DLG4: variants seen among roughly 807,000 people sequenced by gnomAD.
DLG4 encodes discs large MAGUK scaffold protein 4.
In DLG4, 7 loss-of-function variants were observed where a neutral mutation model predicts 93.8. The ratio of observed to expected loss-of-function variants is 0.07; its 90% CI spans 0.04 to 0.14. DLG4 has a LOEUF of 0.14. Ranked by LOEUF, DLG4 falls within the 10% of genes least tolerant of loss-of-function variation. DLG4 has a pLI of 1.00. For synonymous variants in DLG4, 341 were observed against 387.6 expected, an observed-to-expected ratio of 0.88 and a Z score of 1.41; for missense variants, 545 against 992.9, an observed-to-expected ratio of 0.55 and a Z score of 6.06.
rs370630571 is a variant in DLG4 at position 7,195,652 on chromosome 17, G to A, written c.1301+568C>T. On this transcript the variant is annotated intron_variant, in intron 11 of 19. Coordinates refer to ENST00000399506, the MANE Select transcript of DLG4 (RefSeq NM_001321075.3). The surrounding 1 kb of genome is among the most constrained non-coding windows in gnomAD (Gnocchi z 4.3). ...CACCTCCGAGAGACATCTGCAGAGC[G>A]CAGCGGCAGACGAGGCCATGCAAGC... 2.6e-5 allele frequency among the ~76,000 whole-genome samples: 4 copies of A among 152,154 alleles called. No homozygotes were observed. The highest frequency in any genetic ancestry group is 2.1e-4 in the South Asian group (1 of 4,820).
chr17:7,209,771 A>T (rs915120928), intron 1 of DLG4, among the ~76,000 whole-genome samples: 2 of 152,152 alleles, frequency 1.3e-5, no homozygotes, highest in African/African-American at 2.4e-5. Flanking sequence ...CCCTGTCTCA[A>T]AAAGAGAGAG....
In DLG4 at chr17:7,203,467, C is replaced by A; in HGVS notation, c.462G>T (p.Pro154=). Residue 154 remains proline, a synonymous_variant, in exon 6 of 20, where the codon CCG becomes CCT. Coordinates refer to ENST00000399506, the MANE Select transcript of DLG4 (RefSeq NM_001321075.3). The surrounding 1 kb of genome is among the most constrained non-coding windows in gnomAD (Gnocchi z 7.2). ...GCTTGATCTCCATGACCTTCTCAGC[C>A]GGGGGCTTCCGGCGCATGACATAGA... is the stretch of plus-strand genomic sequence containing the variant. ...VRLYVMRRKP[P]AEKVMEIKLI... 1 of 1,612,532 alleles carries A rather than the reference C, an allele frequency of 6.2e-7. No homozygotes were observed. Among genetic ancestry groups the A allele is most frequent in the Non-Finnish European group, 8.5e-7 (1 of 1,178,728 alleles).
At position 7,192,002 on chromosome 17, in the gene DLG4, C is replaced by G. The variant is rs2069524272; in HGVS notation, c.1867G>C (p.Gly623Arg). 7.0e-7 allele frequency: 1 copy of G among 1,430,548 alleles called. No individual in the cohort carries two copies. The highest frequency in any genetic ancestry group is 9.2e-7 in the Non-Finnish European group (1 of 1,085,276). The allele number at this position is 1,430,548 out of a possible 1,614,324, so 88.6% of individuals were successfully genotyped here. A position where few individuals can be genotyped will look rare whatever the true frequency, so the allele number is the denominator to read the frequency against. The change falls in exon 18 of 20, where the codon GGG becomes CGG. Residue 623 changes from glycine (G) to arginine (R), a missense_variant and splice_region_variant. By Grantham distance (125) the Gly-to-Arg change is moderately radical. Coordinates refer to ENST00000399506, the MANE Select transcript of DLG4 (RefSeq NM_001321075.3). ...VQSVREVAEQGKHCILDVSAN... is the reference protein window; with the variant it reads ...VQSVREVAEQRKHCILDVSAN... The stretch of plus-strand genomic sequence containing the variant: ...GAGACATCGAGGATGCAGTGCTTCC[C>G]CTGGGGGCAGGCAGGGTGGGCGGAG...
At chr17:7,210,933 C>A (rs2070680353) in intron 1 of DLG4, among the ~76,000 whole-genome samples, 2 of 151,894 alleles carry the variant, frequency 1.3e-5, no homozygotes, top group South Asian at 2.1e-4. Context: ...CCCTGCCCCA[C>A]CCCCATGGAG....
chr17:7,217,719 C>T, upstream of DLG4: 1 of 1,534,582 alleles, frequency 6.5e-7, no homozygotes. Flanking sequence ...CTGGCAGGAA[C>T]CCGGATAATG....
intron 17 of DLG4, 85 bp from the exon 18 acceptor site, chr17:7,192,087 G>A (rs1365893771): frequency 5.4e-6 from 4 of 741,512 alleles, no homozygotes; most frequent in Non-Finnish European, 8.2e-6. Flanking sequence ...CGGACGGGGA[G>A]AGGTGGGGAA....
chr17:7,213,091 C>CTTT (rs1567551398), intron 1 of DLG4, among the ~76,000 whole-genome samples: 11 of 99,532 alleles, frequency 1.1e-4, no homozygotes, highest in Non-Finnish European at 1.6e-4. Context: ...TTCTTTCTTT[C>CTTT]TTTCTTTTTT....
At position 7,196,779 on chromosome 17, in the gene DLG4, C is replaced by A; in HGVS notation, c.1061G>T (p.Arg354Leu). The A allele has an allele frequency of 6.2e-7, 1 of 1,609,362 alleles. No homozygotes were observed. The highest frequency in any genetic ancestry group is 2.2e-5 in the East Asian group (1 of 44,584). The change falls in exon 9 of 20, where the codon CGG becomes CTG. Residue 354 changes from arginine to leucine, a missense_variant. Around this residue, in one of 5 missense-constraint regions of DLG4, gnomAD observed 428 missense variants for 741.4 expected, o/e 0.58. Transcript: ENST00000399506. The surrounding 1 kb of genome is among the most constrained non-coding windows in gnomAD (Gnocchi z 8.3). ...GGPADLSGEL[R>L]KGDQILSVNG... is the part of the protein sequence containing the mutation. ...CACCGACAGGATCTGGTCCCCCTTC[C>A]GCAGCTCCCCACTGAGGTCTGCAGG...
At chr17:7,214,964 G>C (rs1340606906) in intron 1 of DLG4, among the ~76,000 whole-genome samples, 1 of 152,222 alleles carries the variant, frequency 6.6e-6, no homozygotes, top group African/African-American at 2.4e-5. Context: ...CTCAGGCAGA[G>C]CTGGGGAGCT....
upstream of DLG4, chr17:7,217,678 G>C (rs1255781760): frequency 2.7e-6 from 4 of 1,482,374 alleles, no homozygotes; most frequent in Non-Finnish European, 3.6e-6. Flanking sequence ...AGAATGGGGG[G>C]GGTGCCTTGG....
rs1336744487 is a variant in DLG4 at position 7,195,018 on chromosome 17, CAAAA to C, written c.1302-527_1302-524del. The stretch of plus-strand genomic sequence containing the variant: ...TGGGCAACGGAGCGAGACACCGTCT[CAAAA>C]AAAAAAAAAAAGAAAAAGAAAAAGA... On this transcript the variant is annotated intron_variant, in intron 11 of 19. Coordinates refer to ENST00000399506, the MANE Select transcript of DLG4 (RefSeq NM_001321075.3). This position sits in a 1 kb window ranked among gnomAD's most constrained non-coding sequence, Gnocchi z 4.3. Among the ~76,000 whole-genome samples, 1 of 72,290 alleles carries C rather than the reference CAAAA, an allele frequency of 1.4e-5. No homozygotes were observed. The highest frequency in any genetic ancestry group is 2.8e-5 in the Non-Finnish European group (1 of 36,050). The allele number at this position is 72,290 out of a possible 152,430, so 47.4% of individuals were successfully genotyped here.
chr17:7,216,497 C>T (rs1269252860), intron 1 of DLG4, among the ~76,000 whole-genome samples: 1 of 152,060 alleles, frequency 6.6e-6, no homozygotes, highest in Non-Finnish European at 1.5e-5. Context: ...GGGCCCCAGC[C>T]CTCTGACAAC....
At chr17:7,219,912 G>GT (rs369086959), upstream of DLG4, 1 of 692,578 alleles carries the variant, frequency 1.4e-6, no homozygotes, top group Non-Finnish European at 2.1e-6. Context: ...GGTTAGGGGC[G>GT]CCAGGACGTG....
At position 7,214,046 on chromosome 17, in the gene DLG4, T is replaced by A; in HGVS notation, c.30+3072A>T. 8.7e-6 allele frequency: 3 copies of A among 346,708 alleles called. 1 individual carries two copies. The highest frequency in any genetic ancestry group is 6.5e-5 in the South Asian group (3 of 45,922). 21.5% of individuals were successfully genotyped at this position (346,708 alleles called of 1,614,324 possible). A position where few individuals can be genotyped will look rare whatever the true frequency, so the allele number is the denominator to read the frequency against. Reference sequence around the variant, plus strand: ...CCCCATTTCCCTTTTCCCTCCATTTTCCGTTTCTCTGTTGCCTGGCAACGC... The same window carrying A: ...CCCCATTTCCCTTTTCCCTCCATTTACCGTTTCTCTGTTGCCTGGCAACGC... On this transcript the variant is annotated intron_variant, in intron 1 of 19. Transcript: ENST00000399506.
At chr17:7,204,484 T>G in intron 2 of DLG4, 3 of 449,000 alleles carry the variant, frequency 6.7e-6, no homozygotes, top group Non-Finnish European at 1.2e-5. Context: ...GATCTAACTC[T>G]GCCCAGCCCG....
intron 1 of DLG4, among the ~76,000 whole-genome samples, chr17:7,214,274 T>C (rs1200454554): frequency 6.6e-6 from 1 of 152,160 alleles, no homozygotes; most frequent in Non-Finnish European, 1.5e-5. Flanking sequence ...CCCTGTCTCC[T>C]TTACGCACGG....
chr17:7,210,720 C>T (rs2070672552), intron 1 of DLG4, among the ~76,000 whole-genome samples: 1 of 152,170 alleles, frequency 6.6e-6, no homozygotes, highest in Admixed American at 6.5e-5. Context: ...AGGACCAAAG[C>T]TCCAAGTTTT....
At position 7,196,192 on chromosome 17, in the gene DLG4, G is replaced by T. The variant is rs752738893; in HGVS notation, c.1301+28C>A. ...GAGTGCCCAGGAACGCAGAGGGGCT[G>T]AGGAGTCCAGCCCGGGAAGCCTCTG... On this transcript the variant is annotated intron_variant, in intron 11 of 19. Coordinates refer to ENST00000399506, the MANE Select transcript of DLG4 (RefSeq NM_001321075.3). This position sits in a 1 kb window ranked among gnomAD's most constrained non-coding sequence, Gnocchi z 8.3. The T allele has an allele frequency of 1.1e-5, 17 of 1,570,250 alleles. No individual in the cohort carries two copies. The highest frequency in any genetic ancestry group is 1.4e-5 in the Non-Finnish European group (16 of 1,144,410).
chr17:7,200,914 C>T (rs2070097355), intron 8 of DLG4, among the ~76,000 whole-genome samples: 1 of 135,192 alleles, frequency 7.4e-6, no homozygotes, highest in Admixed American at 8.3e-5. Flanking sequence ...GGCTGGAGTG[C>T]AGTGGTGAGA....
Sources: gnomAD v4.1 joint callset for allele counts (sites outside exome capture counted in the v4.1 genomes callset) on GRCh38, gnomAD v4.1.1 for gene constraint, gnomAD v4.1.1 regional missense constraint, Gnocchi (gnomAD v3.1) non-coding constraint, MANE v1.5 for transcripts, NCBI Gene and HGNC (gene_info 2026-07-23, HGNC 2026-07-21) for gene names.